The following LRRC28 variants were observed in gnomAD, a reference collection of about 807,000 sequenced individuals.
LRRC28 encodes the protein leucine rich repeat containing 28, also known as leucine-rich repeat-containing protein 28.
A neutral mutation model predicts 45.7 loss-of-function variants in LRRC28; 39 were observed. The ratio of observed to expected loss-of-function variants is 0.85; its 90% CI spans 0.66 to 1.12. The LOEUF (loss-of-function observed/expected upper bound fraction) is 1.12, where lower values mean the gene tolerates loss of function less well. Among genes scored for constraint, LRRC28 ranks in the 50% most tolerant of loss-of-function variants. The probability of loss-of-function intolerance (pLI) is 0.00; values close to 1 mark genes in which losing one functional copy is unlikely to be tolerated. For missense variants in LRRC28, 435 were observed against 438.5 expected, an observed-to-expected ratio of 0.99 and a Z score of 0.07; for synonymous variants, 206 against 178.8, an observed-to-expected ratio of 1.15 and a Z score of -1.22.
intron 5 of LRRC28, among the ~76,000 whole-genome samples, chr15:99,288,386 T>C (rs1405109036): frequency 1.7e-5 from 2 of 116,434 alleles, no homozygotes; most frequent in Non-Finnish European, 3.7e-5. Flanking sequence ...TTTTTTTTTT[T>C]TTTTTTTTTT....
chr15:99,384,124 A>G (rs371849545), intron 9 of LRRC28, among the ~76,000 whole-genome samples: 72 of 152,344 alleles, frequency 4.7e-4, no homozygotes, highest in African/African-American at 1.7e-3. Context: ...TCTCTGGATC[A>G]TGCTAGGATT....
At chr15:99,375,808 A>G (rs1417183238) in intron 9 of LRRC28, among the ~76,000 whole-genome samples, 1 of 151,912 alleles carries the variant, frequency 6.6e-6, no homozygotes, top group Non-Finnish European at 1.5e-5. Flanking sequence ...ATCTGTGGTG[A>G]TATCACCTCC....
chr15:99,380,152 T>G (rs542354739), intron 9 of LRRC28, among the ~76,000 whole-genome samples: 1 of 152,300 alleles, frequency 6.6e-6, no homozygotes, highest in South Asian at 2.1e-4. Context: ...AAGTCTCCCC[T>G]TATTATTGTG....
intron 2 of LRRC28, chr15:99,258,973 A>T: frequency 2.7e-6 from 2 of 752,416 alleles, no homozygotes; most frequent in Non-Finnish European, 5.0e-6. Flanking sequence ...CTCTTCAGCA[A>T]CATAAACTGC....
intron 1 of LRRC28, among the ~76,000 whole-genome samples, chr15:99,255,194 C>A (rs1025252846): frequency 6.6e-6 from 1 of 151,602 alleles, no homozygotes; most frequent in African/African-American, 2.4e-5. Flanking sequence ...CCCATCTCTA[C>A]GAACAAGTAA....
At chr15:99,357,453 G>A (rs1957078867) in intron 7 of LRRC28, among the ~76,000 whole-genome samples, 1 of 152,206 alleles carries the variant, frequency 6.6e-6, no homozygotes, top group Non-Finnish European at 1.5e-5. Flanking sequence ...ATGAATTCCA[G>A]AAGTATAATG....
intron 7 of LRRC28, chr15:99,355,780 G>C (rs751836401): frequency 6.7e-6 from 1 of 148,598 alleles, no homozygotes; most frequent in Non-Finnish European, 1.5e-5. Flanking sequence ...GCTTTTTATT[G>C]TGTAAATAAG....
chr15:99,276,296 C>A (rs2081615814), intron 2 of LRRC28, among the ~76,000 whole-genome samples: 1 of 152,108 alleles, frequency 6.6e-6, no homozygotes, highest in African/African-American at 2.4e-5. Flanking sequence ...ACCCCCACAA[C>A]CTTGTCTGTG....
chr15:99,259,840 GA>G, intron 2 of LRRC28: 1 of 837,702 alleles, frequency 1.2e-6, no homozygotes, highest in Non-Finnish European at 2.1e-6. Flanking sequence ...AGATAGAATA[GA>G]AAGAATGCCT....
chr15:99,302,728 T>C (rs183603958), intron 5 of LRRC28, among the ~76,000 whole-genome samples: 1 of 152,370 alleles, frequency 6.6e-6, no homozygotes, highest in South Asian at 2.1e-4. Context: ...TGCTAGCCTT[T>C]GTTCTCACCC....
chr15:99,287,326 A>T, intron 4 of LRRC28, 32 bp downstream of exon 4: 2 of 1,456,500 alleles, frequency 1.4e-6, no homozygotes, highest in Non-Finnish European at 1.8e-6. Flanking sequence ...TAGTTAGAAG[A>T]TAATATAATT....
chr15:99,365,270 A>T (rs1232271576), intron 9 of LRRC28, among the ~76,000 whole-genome samples: 2 of 152,246 alleles, frequency 1.3e-5, no homozygotes, highest in Admixed American at 1.3e-4. Context: ...TCAGAACATA[A>T]ATATTATTAA....
At chr15:99,377,536 C>G (rs1957678679) in intron 9 of LRRC28, among the ~76,000 whole-genome samples, 1 of 152,130 alleles carries the variant, frequency 6.6e-6, no homozygotes, top group Non-Finnish European at 1.5e-5. Flanking sequence ...TGCAGAAGCT[C>G]TTTAGTTTAA....
intron 9 of LRRC28, among the ~76,000 whole-genome samples, chr15:99,370,053 A>G (rs189289035): frequency 1.0e-3 from 158 of 152,328 alleles, no homozygotes; most frequent in Non-Finnish European, 1.9e-3. Context: ...GTTGAATCAT[A>G]CAAGTCATAT....
intron 3 of LRRC28, among the ~76,000 whole-genome samples, chr15:99,279,111 A>G (rs2081705717): frequency 6.6e-6 from 1 of 152,214 alleles, no homozygotes. Context: ...CTCTATGGAT[A>G]CACGTTTTTC....
chr15:99,376,658 A>G (rs1401531615), intron 9 of LRRC28, among the ~76,000 whole-genome samples: 1 of 152,080 alleles, frequency 6.6e-6, no homozygotes, highest in African/African-American at 2.4e-5. Context: ...TACATTAGGT[A>G]TATACCTAAT....
At chr15:99,333,438 T>C (rs994207403) in intron 5 of LRRC28, among the ~76,000 whole-genome samples, 7 of 152,204 alleles carry the variant, frequency 4.6e-5, no homozygotes, top group African/African-American at 1.7e-4. Flanking sequence ...CAAAAGACAT[T>C]CTAATTTCTA....
At chr15:99,276,550 T>C (rs200134685) in intron 2 of LRRC28, 26 bp from the exon 3 acceptor site, 1 of 1,545,572 alleles carries the variant, frequency 6.5e-7, no homozygotes. Context: ...AAAAATAAAA[T>C]TTAATTCTGA....
chr15:99,292,578 A>G (rs914434610), intron 5 of LRRC28, among the ~76,000 whole-genome samples: 3 of 151,804 alleles, frequency 2.0e-5, no homozygotes, highest in East Asian at 1.9e-4. Context: ...GTTAGCCAGG[A>G]TGGTCTCGAT....
Sources: gnomAD v4.1 joint callset for allele counts (sites outside exome capture counted in the v4.1 genomes callset) on GRCh38, gnomAD v4.1.1 for gene constraint, MANE v1.5 for transcripts, NCBI Gene and HGNC (gene_info 2026-07-23, HGNC 2026-07-21) for gene names.